LPP: variants seen among roughly 807,000 people sequenced by gnomAD.
LPP encodes the protein LIM domain containing preferred translocation partner in lipoma.
A neutral mutation model predicts 60.4 loss-of-function variants in LPP; 38 were observed. The observed-to-expected ratio is 0.63, with a 90% CI of 0.49 to 0.83. LPP has a LOEUF of 0.83. Ranked by LOEUF, LPP falls within the 40% of genes least tolerant of loss-of-function variation. The probability of loss-of-function intolerance (pLI) is 0.00; values close to 1 mark genes in which losing one functional copy is unlikely to be tolerated. For missense variants in LPP, 902 were observed against 783.6 expected, an observed-to-expected ratio of 1.15 and a Z score of -1.80; for synonymous variants, 328 against 290.8, an observed-to-expected ratio of 1.13 and a Z score of -1.30.
intron 3 of LPP, among the ~76,000 whole-genome samples, chr3:188,355,444 C>T (rs941704792): frequency 5.3e-5 from 8 of 152,134 alleles, no homozygotes; most frequent in Non-Finnish European, 1.0e-4. Flanking sequence ...CTCTTGAAAT[C>T]CCTCTGCTTT....
intron 9 of LPP, among the ~76,000 whole-genome samples, chr3:188,849,908 G>A (rs764373515): frequency 7.2e-5 from 11 of 152,146 alleles, no homozygotes; most frequent in Non-Finnish European, 1.5e-4. Context: ...ATAATTACAA[G>A]GAATTTAAAT....
chr3:188,755,793 GA>G (rs1207044265), intron 8 of LPP, among the ~76,000 whole-genome samples: 5 of 81,248 alleles, frequency 6.2e-5, no homozygotes, highest in Non-Finnish European at 1.1e-4. Flanking sequence ...CTGGGCAACA[GA>G]GTGAGATCCT....
intron 7 of LPP, among the ~76,000 whole-genome samples, chr3:188,701,737 C>T (rs75906453): frequency 0.012 from 1,818 of 150,770 alleles, 45 homozygotes; most frequent in African/African-American, 0.042. Flanking sequence ...CAGAATGCCA[C>T]GATATCTGGC....
At chr3:188,557,210 C>T (rs1287176035) in intron 6 of LPP, among the ~76,000 whole-genome samples, 3 of 151,480 alleles carry the variant, frequency 2.0e-5, no homozygotes, top group Non-Finnish European at 2.9e-5. Flanking sequence ...TGCCTTCATG[C>T]GTTACAAAAA....
At chr3:188,582,346 T>C (rs976895540) in intron 6 of LPP, among the ~76,000 whole-genome samples, 3 of 151,542 alleles carry the variant, frequency 2.0e-5, no homozygotes, top group African/African-American at 7.3e-5. Context: ...TTTTTCTTTT[T>C]TCTGTTTTCT....
chr3:188,229,892 T>C (rs892892706), intron 2 of LPP, among the ~76,000 whole-genome samples: 11 of 152,098 alleles, frequency 7.2e-5, no homozygotes, highest in Admixed American at 4.6e-4. Context: ...AGAGAGACCT[T>C]TGTAGATTGT....
At chr3:188,578,743 C>G (rs989979092) in intron 6 of LPP, among the ~76,000 whole-genome samples, 2 of 152,108 alleles carry the variant, frequency 1.3e-5, no homozygotes, top group Admixed American at 1.3e-4. Context: ...ACCCTCTCTC[C>G]CCGTGGTGCA....
intron 2 of LPP, among the ~76,000 whole-genome samples, chr3:188,245,224 T>C (rs1726472250): frequency 6.6e-6 from 1 of 151,950 alleles, no homozygotes; most frequent in South Asian, 2.1e-4. Flanking sequence ...GCAATTCTCC[T>C]GCCTCAGCCT....
At chr3:188,449,351 C>T (rs7620224) in intron 4 of LPP, among the ~76,000 whole-genome samples, 151,655 of 152,346 alleles carry the variant, frequency 1, 75,491 homozygotes, top group Middle Eastern at 1. Flanking sequence ...TTCCACCTCA[C>T]AGAAGCCTAA....
At chr3:188,249,957 C>T (rs1728559363) in intron 2 of LPP, among the ~76,000 whole-genome samples, 1 of 150,764 alleles carries the variant, frequency 6.6e-6, no homozygotes, top group Non-Finnish European at 1.5e-5. Context: ...TTGCCTCTAC[C>T]CCTAAGTACA....
At chr3:188,362,994 T>C (rs1180617660) in intron 3 of LPP, among the ~76,000 whole-genome samples, 1 of 151,838 alleles carries the variant, frequency 6.6e-6, no homozygotes, top group African/African-American at 2.4e-5. Context: ...ACCCAACTGT[T>C]TTTTAAATTA....
At chr3:188,363,930 A>G (rs965035636) in intron 3 of LPP, among the ~76,000 whole-genome samples, 36 of 140,260 alleles carry the variant, frequency 2.6e-4, no homozygotes, top group African/African-American at 9.4e-4. Context: ...AAAAAAAAAT[A>G]CTATGTACTT....
chr3:188,625,515 T>C lies in LPP; in HGVS notation c.1113+15671T>C, dbSNP rs146737576. 1.3e-3 allele frequency among the ~76,000 whole-genome samples: 192 copies of C among 152,312 alleles called. 2 individuals carry two copies. The highest frequency in any genetic ancestry group is 4.5e-3 in the African/African-American group (186 of 41,586). On this transcript the variant is annotated intron_variant, in intron 7 of 11. Transcript: ENST00000617246. ...TGAGATAATGCATATTCATCCTCTT[T>C]TACAGATGATGAAACATTTCGGAGA...
intron 9 of LPP, among the ~76,000 whole-genome samples, chr3:188,780,408 A>T (rs1739259275): frequency 6.6e-6 from 1 of 152,218 alleles, no homozygotes. Flanking sequence ...ATCAATGGAC[A>T]GCTGATTCCA....
chr3:188,264,796 G>C (rs80322064), intron 2 of LPP, among the ~76,000 whole-genome samples: 2 of 151,696 alleles, frequency 1.3e-5, no homozygotes, highest in Non-Finnish European at 2.9e-5. Context: ...CTCTGTGTGT[G>C]TCTCTCTCTC....
intron 4 of LPP, among the ~76,000 whole-genome samples, chr3:188,422,861 A>AG (rs1199694216): frequency 1.3e-5 from 2 of 151,196 alleles, no homozygotes; most frequent in Non-Finnish European, 2.9e-5. Flanking sequence ...CTGCTAATAT[A>AG]GAAGAGGTTA....
intron 4 of LPP, among the ~76,000 whole-genome samples, chr3:188,429,055 A>G (rs577370556): frequency 3.9e-5 from 6 of 152,214 alleles, no homozygotes; most frequent in Non-Finnish European, 5.9e-5. Flanking sequence ...AGTACTTTCT[A>G]TAGTGAGACA....
At chr3:188,714,576 T>G (rs1713014013) in intron 8 of LPP, among the ~76,000 whole-genome samples, 1 of 151,478 alleles carries the variant, frequency 6.6e-6, no homozygotes, top group South Asian at 2.1e-4. Context: ...CCCTTAACTG[T>G]CTCAGCTGGG....
intron 8 of LPP, among the ~76,000 whole-genome samples, chr3:188,753,580 C>CGT (rs141731350): frequency 0.27 from 37,298 of 139,366 alleles, 4,981 homozygotes; most frequent in East Asian, 0.49. Flanking sequence ...TTGTTGTGTG[C>CGT]GTGTGTGTGT....
Sources: gnomAD v4.1 joint callset for allele counts (sites outside exome capture counted in the v4.1 genomes callset) on GRCh38, gnomAD v4.1.1 for gene constraint, MANE v1.5 for transcripts, NCBI Gene and HGNC (gene_info 2026-07-23, HGNC 2026-07-21) for gene names.